The following PPP2R5C variants were observed in gnomAD, a reference collection of about 807,000 sequenced individuals.
The protein encoded by PPP2R5C is protein phosphatase 2 regulatory subunit B'gamma, also known as serine/threonine-protein phosphatase 2A 56 kDa regulatory subunit gamma isoform.
Under a neutral mutation model 68.9 loss-of-function variants are expected in PPP2R5C, and 7 were observed. That is an observed-to-expected ratio of 0.10 (90% CI 0.06 to 0.19). The LOEUF (loss-of-function observed/expected upper bound fraction) is 0.19. Ranked by LOEUF, PPP2R5C falls within the 10% of genes least tolerant of loss-of-function variation. The probability of loss-of-function intolerance (pLI) is 1.00; values close to 1 mark genes in which losing one functional copy is unlikely to be tolerated. For synonymous variants in PPP2R5C, 210 were observed against 222.2 expected, an observed-to-expected ratio of 0.95 and a Z score of 0.49; for missense variants, 348 against 641.3, an observed-to-expected ratio of 0.54 and a Z score of 4.94.
intron 13 of PPP2R5C, among the ~76,000 whole-genome samples, chr14:101,924,580 T>G (rs750079984): frequency 6.6e-6 from 1 of 151,666 alleles, no homozygotes; most frequent in Non-Finnish European, 1.5e-5. Context: ...GTAGCTGGGA[T>G]TACAGGCGCG....
chr14:101,921,369 ACTTTT>A, intron 13 of PPP2R5C: 1 of 153,306 alleles, frequency 6.5e-6, no homozygotes, highest in Non-Finnish European at 1.5e-5. Flanking sequence ...CAGCCAATAA[ACTTTT>A]CTTAAGTTGA....
rs2045163925 is a variant in PPP2R5C, at chr14:101,894,399, C to G, written c.799-108C>G. ...AATCACACAAGGGCTTTGTCTGTAC[C>G]GTGGGTCCTTGTCTTGCTGTGGGAA... is the stretch of plus-strand genomic sequence containing the variant. On this transcript the variant is annotated intron_variant, in intron 7 of 13. Coordinates refer to ENST00000334743, the Ensembl canonical transcript of PPP2R5C. 5.2e-6 allele frequency: 5 copies of G among 961,012 alleles called. No homozygotes were observed. The South Asian group carries it at 7.0e-5, about 13-fold the overall frequency. The allele number at this position is 961,012 out of a possible 1,614,324, so 59.5% of individuals were successfully genotyped here.
At position 101,882,358 on chromosome 14, in the gene PPP2R5C, C is replaced by G. The variant is rs1424077325; in HGVS notation, c.405+87C>G. 1.1e-6 allele frequency: 1 copy of G among 911,410 alleles called. No individual in the cohort carries two copies. The highest frequency in any genetic ancestry group is 1.7e-5 in the African/African-American group (1 of 59,448). 56.5% of individuals were successfully genotyped at this position (911,410 alleles called of 1,614,324 possible). On this transcript the variant is annotated intron_variant, in intron 3 of 13. Transcript: ENST00000334743. This position sits in a 1 kb window ranked among gnomAD's most constrained non-coding sequence, Gnocchi z 4.9. Reference sequence around the variant, plus strand: ...CCACAGAGCGGGCGCACTGGTCTGGCCAGATGGACCTCTCCTCCTCAGTAG... The same window carrying G: ...CCACAGAGCGGGCGCACTGGTCTGGGCAGATGGACCTCTCCTCCTCAGTAG...
chr14:101,922,833 A>T (rs77818247), intron 13 of PPP2R5C, among the ~76,000 whole-genome samples: 12,241 of 152,040 alleles, frequency 0.081, 1,016 homozygotes, highest in African/African-American at 0.21. Flanking sequence ...TAAAAAAAAA[A>T]TTTTAAAGAA....
intron 2 of PPP2R5C, among the ~76,000 whole-genome samples, chr14:101,768,366 A>G (rs1422540142): frequency 6.6e-6 from 1 of 152,190 alleles, no homozygotes; most frequent in Non-Finnish European, 1.5e-5. Flanking sequence ...ACAATTATCA[A>G]GCACCCCAAA....
intron 5 of PPP2R5C, among the ~76,000 whole-genome samples, chr14:101,884,908 G>C (rs960173913): frequency 2.6e-5 from 4 of 152,254 alleles, no homozygotes; most frequent in African/African-American, 9.6e-5. Flanking sequence ...GGCACCAAGT[G>C]AATGTCAATA....
chr14:101,811,975 T>A (rs2039390250), intron 1 of PPP2R5C, among the ~76,000 whole-genome samples: 1 of 152,140 alleles, frequency 6.6e-6, no homozygotes, highest in African/African-American at 2.4e-5. Context: ...TGAAGTGTAT[T>A]AGCCTGAAAG....
chr14:101,817,689 C>A (rs2039804913), intron 1 of PPP2R5C, among the ~76,000 whole-genome samples: 1 of 151,756 alleles, frequency 6.6e-6, no homozygotes, highest in African/African-American at 2.4e-5. Flanking sequence ...GATCACCCCC[C>A]ATCCCCCACC....
intron 2 of PPP2R5C, among the ~76,000 whole-genome samples, chr14:101,881,777 G>A (rs74864031): frequency 0.022 from 3,388 of 152,292 alleles, 124 homozygotes; most frequent in African/African-American, 0.078. Flanking sequence ...TCTCTGCTGC[G>A]TCTTTCGTCA....
intron 3 of PPP2R5C, among the ~76,000 whole-genome samples, chr14:101,792,883 CT>C (rs373883284): frequency 1.8e-3 from 235 of 129,104 alleles, no homozygotes; most frequent in Non-Finnish European, 1.5e-3. Flanking sequence ...TTTTTCTTTT[CT>C]TTTTTTTTTT....
At chr14:101,793,329 C>T (rs1360736237) in intron 3 of PPP2R5C, among the ~76,000 whole-genome samples, 1 of 152,128 alleles carries the variant, frequency 6.6e-6, no homozygotes, top group Non-Finnish European at 1.5e-5. Flanking sequence ...TTTTCTGAAT[C>T]GTACATTCAT....
At chr14:101,801,386 A>C (rs1467205742) in intron 3 of PPP2R5C, among the ~76,000 whole-genome samples, 1 of 152,194 alleles carries the variant, frequency 6.6e-6, no homozygotes, top group South Asian at 2.1e-4. Context: ...CATACCACCC[A>C]ATGATGACAC....
At position 101,903,023 on chromosome 14, in the gene PPP2R5C, T is replaced by G. The variant is rs1326647086; in HGVS notation, c.1023+1134T>G. Reference sequence around the variant, plus strand: ...GGAAAATTATGTTTTGGGTTTTTTTTTTTTTTTTTTCATCAATCCTGGCCT... The same window carrying G: ...GGAAAATTATGTTTTGGGTTTTTTTGTTTTTTTTTTCATCAATCCTGGCCT... On this transcript the variant is annotated intron_variant, in intron 9 of 13. Coordinates refer to ENST00000334743, the Ensembl canonical transcript of PPP2R5C. Among the ~76,000 whole-genome samples the G allele has an allele frequency of 1.2e-4, 18 of 151,708 alleles. No individual in the cohort carries two copies. The South Asian group carries it at 2.3e-3, about 19-fold the overall frequency.
chr14:101,762,844 A>C, intron 1 of PPP2R5C, 61 bp from the exon 2 acceptor site: 1 of 1,377,580 alleles, frequency 7.3e-7, no homozygotes, highest in Middle Eastern at 2.2e-4. Context: ...CATTTGGCTT[A>C]TCTGATGTTT....
intron 2 of PPP2R5C, among the ~76,000 whole-genome samples, chr14:101,872,074 A>C (rs1186777049): frequency 6.6e-6 from 1 of 152,012 alleles, no homozygotes; most frequent in East Asian, 1.9e-4. Context: ...AGTGTTCATC[A>C]TTCCTTTGTG....
chr14:101,926,747 G>A (rs1741144), exon 14 of PPP2R5C: 18,664 of 152,208 alleles, frequency 0.12, 1,555 homozygotes, highest in African/African-American at 0.23. Context: ...AAGATAGTGA[G>A]AAGCAGACAC....
At chr14:101,775,740 C>A (rs533399707) in intron 2 of PPP2R5C, among the ~76,000 whole-genome samples, 108 of 152,298 alleles carry the variant, frequency 7.1e-4, no homozygotes, top group Middle Eastern at 3.4e-3. Flanking sequence ...TGGCTAGGAA[C>A]CTGAACTCCT....
At chr14:101,894,377 C>A in intron 7 of PPP2R5C, 130 bp from the exon 10 acceptor site, 1 of 690,774 alleles carries the variant, frequency 1.4e-6, no homozygotes, top group Non-Finnish European at 2.5e-6. Context: ...GCCCGTTAAT[C>A]ACACAAGGGC....
chr14:101,819,994 C>A (rs1425693161), intron 1 of PPP2R5C: 1 of 152,126 alleles, frequency 6.6e-6, no homozygotes, highest in Admixed American at 6.6e-5. Context: ...AGTGTGATGG[C>A]CGTCTCGAAG....
Sources: allele counts gnomAD v4.1 joint callset (sites outside exome capture counted in the v4.1 genomes callset), GRCh38; gene constraint gnomAD v4.1.1; non-coding constraint Gnocchi (gnomAD v3.1); transcripts MANE v1.5; gene names NCBI Gene and HGNC (gene_info 2026-07-23, HGNC 2026-07-21).